SHISA6: variants seen among roughly 807,000 people sequenced by gnomAD.
SHISA6 encodes the protein shisa family member 6, also known as protein shisa-6.
In SHISA6, 22 loss-of-function variants were observed where a neutral mutation model predicts 47.9. That is an observed-to-expected ratio of 0.46 (90% CI 0.33 to 0.66). The LOEUF is 0.66. Among genes scored for constraint, SHISA6 ranks in the 30% least tolerant of loss-of-function variants. The pLI is 0.02. For missense variants in SHISA6, 680 were observed against 764.6 expected, an observed-to-expected ratio of 0.89 and a Z score of 1.30; for synonymous variants, 388 against 337.8, an observed-to-expected ratio of 1.15 and a Z score of -1.63.
At chr17:11,364,002 A>G (rs373417655) in intron 2 of SHISA6, among the ~76,000 whole-genome samples, 1 of 152,196 alleles carries the variant, frequency 6.6e-6, no homozygotes, top group African/African-American at 2.4e-5. Context: ...TGCCACCTCA[A>G]TAAAGCTGTT....
intron 2 of SHISA6, among the ~76,000 whole-genome samples, chr17:11,300,567 C>T (rs531725086): frequency 2.4e-4 from 37 of 152,110 alleles, no homozygotes; most frequent in Non-Finnish European, 4.7e-4. Context: ...CCAAGACACC[C>T]GTGGCACCAG....
At chr17:11,396,342 C>T (rs1288308751) in intron 3 of SHISA6, among the ~76,000 whole-genome samples, 1 of 152,128 alleles carries the variant, frequency 6.6e-6, no homozygotes, top group Non-Finnish European at 1.5e-5. Flanking sequence ...AGTTTTCTTT[C>T]TCATACTGTC....
At chr17:11,452,522 G>C (rs11658831) in intron 3 of SHISA6, among the ~76,000 whole-genome samples, 1 of 151,914 alleles carries the variant, frequency 6.6e-6, no homozygotes, top group Admixed American at 6.5e-5. Flanking sequence ...GCAGACACAG[G>C]TGGGGGCAAA....
chr17:11,323,512 G>T (rs866043842), intron 2 of SHISA6, among the ~76,000 whole-genome samples: 14 of 152,032 alleles, frequency 9.2e-5, no homozygotes, highest in Middle Eastern at 3.4e-3. Flanking sequence ...AAATTAACCG[G>T]ACGTGGTGGC....
intron 2 of SHISA6, among the ~76,000 whole-genome samples, chr17:11,269,476 C>A (rs1051709664): frequency 1.3e-5 from 2 of 152,160 alleles, no homozygotes; most frequent in African/African-American, 4.8e-5. Flanking sequence ...ACCCAGGGTG[C>A]CCTTCCAGTT....
intron 1 of SHISA6, among the ~76,000 whole-genome samples, chr17:11,262,124 C>T (rs1203348313): frequency 1.3e-5 from 2 of 152,204 alleles, no homozygotes; most frequent in Non-Finnish European, 2.9e-5. Context: ...ATCCAACTCC[C>T]TTCTTTTTCA....
intron 3 of SHISA6, among the ~76,000 whole-genome samples, chr17:11,430,318 G>A (rs1198874512): frequency 6.6e-6 from 1 of 152,134 alleles, no homozygotes; most frequent in Non-Finnish European, 1.5e-5. Context: ...TGTGTTGTGA[G>A]TAGAATTGAA....
chr17:11,324,823 A>G (rs146666177), intron 2 of SHISA6, among the ~76,000 whole-genome samples: 132 of 152,216 alleles, frequency 8.7e-4, no homozygotes, highest in African/African-American at 3.1e-3. Context: ...TTAGTGCACA[A>G]TTAGGAAGCT....
chr17:11,263,639 A>G (rs16944481), intron 2 of SHISA6, 113 bp downstream of exon 2: 98,072 of 1,333,778 alleles, frequency 0.074, 4,089 homozygotes, highest in East Asian at 0.19. Context: ...AGGGACTCTC[A>G]TGGACAGGCA....
intron 3 of SHISA6, among the ~76,000 whole-genome samples, chr17:11,405,608 C>T (rs1300583978): frequency 6.6e-6 from 1 of 152,072 alleles, no homozygotes; most frequent in Non-Finnish European, 1.5e-5. Flanking sequence ...TCGAGACCAG[C>T]CTGGCCAACA....
chr17:11,467,114 G>C (rs536738536), intron 3 of SHISA6, among the ~76,000 whole-genome samples: 1 of 152,278 alleles, frequency 6.6e-6, no homozygotes, highest in African/African-American at 2.4e-5. Flanking sequence ...ACGTTATCAA[G>C]ATGTATTTAT....
intron 2 of SHISA6, among the ~76,000 whole-genome samples, chr17:11,283,420 C>T (rs1025000235): frequency 6.6e-6 from 1 of 152,170 alleles, no homozygotes; most frequent in Non-Finnish European, 1.5e-5. Flanking sequence ...GATTCAAGGT[C>T]TGATTTTCTT....
At chr17:11,553,384 C>T (rs2071947644) in intron 4 of SHISA6, among the ~76,000 whole-genome samples, 1 of 152,146 alleles carries the variant, frequency 6.6e-6, no homozygotes. Context: ...AGTCACACTA[C>T]CCAGCTCATT....
chr17:11,547,003 CAGAT>C (rs1475317865), intron 3 of SHISA6, among the ~76,000 whole-genome samples: 2 of 151,812 alleles, frequency 1.3e-5, no homozygotes, highest in East Asian at 3.9e-4. Flanking sequence ...AAACAAGACA[CAGAT>C]AGCGTCATGT....
chr17:11,353,179 C>T (rs923463957), intron 2 of SHISA6, among the ~76,000 whole-genome samples: 1 of 152,156 alleles, frequency 6.6e-6, no homozygotes, highest in African/African-American at 2.4e-5. Flanking sequence ...AGAACACGGG[C>T]CGGGCACGGT....
At chr17:11,371,790 AT>A (rs1912638582) in intron 2 of SHISA6, among the ~76,000 whole-genome samples, 1 of 152,156 alleles carries the variant, frequency 6.6e-6, no homozygotes, top group Non-Finnish European at 1.5e-5. Context: ...TAAACTCTAA[AT>A]ATTACAAAAA....
chr17:11,488,171 A>T lies in SHISA6; in HGVS notation c.896-63725A>T, dbSNP rs150865631. Among the ~76,000 whole-genome samples the T allele has an allele frequency of 2.2e-3, 334 of 152,070 alleles. 3 individuals are homozygous for T. Among genetic ancestry groups the T allele is most frequent in the African/African-American group, 7.5e-3 (312 of 41,482 alleles). ...GCTGTCGGGACAAATAGATAACTAA[A>T]AGCCACACTGAATAGCTGAATAGTG... On this transcript the variant is annotated intron_variant, in intron 3 of 5. Transcript: ENST00000441885.
intron 2 of SHISA6, among the ~76,000 whole-genome samples, chr17:11,299,309 A>G (rs1268911021): frequency 1.3e-5 from 2 of 152,052 alleles, no homozygotes; most frequent in African/African-American, 2.4e-5. Context: ...CATACATTAT[A>G]TTACATTTAA....
chr17:11,257,065 C>T (rs1908038236), intron 1 of SHISA6, among the ~76,000 whole-genome samples: 1 of 152,154 alleles, frequency 6.6e-6, no homozygotes, highest in Non-Finnish European at 1.5e-5. Flanking sequence ...AATGCAGATG[C>T]ACAGACATTG....
Sources: gnomAD v4.1 joint callset for allele counts (sites outside exome capture counted in the v4.1 genomes callset) on GRCh38, gnomAD v4.1.1 for gene constraint, MANE v1.5 for transcripts, NCBI Gene and HGNC (gene_info 2026-07-23, HGNC 2026-07-21) for gene names.